The following RFPL1 variants were observed in gnomAD, a reference collection of about 807,000 sequenced individuals.
RFPL1 encodes ret finger protein like 1.
Under a neutral mutation model 9.6 loss-of-function variants are expected in RFPL1, and 6 were observed. The observed-to-expected ratio is 0.62, with a 90% CI of 0.34 to 1.23. The LOEUF is 1.23. Ranked by LOEUF, RFPL1 falls within the 50% of genes most tolerant of loss-of-function variation. The probability of loss-of-function intolerance (pLI) is 0.03; values close to 1 mark genes in which losing one functional copy is unlikely to be tolerated. For missense variants in RFPL1, 352 were observed against 398.4 expected (o/e 0.88, Z 0.99); for synonymous variants, 145 against 149.4 (o/e 0.97, Z 0.22).
chr22:29,391,725 G>C, the RFPL1 span, among the ~76,000 whole-genome samples: 1 of 152,162 alleles, frequency 6.6e-6, no homozygotes. Flanking sequence ...AGAAGGAAAG[G>C]GTAATCCAGA....
chr22:29,402,586 A>G, the RFPL1 span, among the ~76,000 whole-genome samples: 1 of 151,994 alleles, frequency 6.6e-6, no homozygotes, highest in African/African-American at 2.4e-5. Flanking sequence ...GGGCTCTAGG[A>G]GTTGCTATGG....
the RFPL1 span, among the ~76,000 whole-genome samples, chr22:29,429,816 A>C: frequency 6.6e-6 from 1 of 152,226 alleles, no homozygotes; most frequent in Admixed American, 6.5e-5. Flanking sequence ...AATCAGTAGC[A>C]ACTGTATATG....
At chr22:29,441,648 C>G (rs1305856031) in exon 2 of RFPL1, 1 of 1,613,772 alleles carries the variant, frequency 6.2e-7, no homozygotes, top group Non-Finnish European at 8.5e-7. Flanking sequence ...AAGACCTTGC[C>G]GAGAGATTTG....
At chr22:29,401,586 T>C in the RFPL1 span, among the ~76,000 whole-genome samples, 2 of 152,172 alleles carry the variant, frequency 1.3e-5, no homozygotes, top group African/African-American at 4.8e-5. Flanking sequence ...CACCAAGCAC[T>C]TCCTCTTCTA....
At chr22:29,404,627 T>TA in the RFPL1 span, among the ~76,000 whole-genome samples, 2 of 152,188 alleles carry the variant, frequency 1.3e-5, no homozygotes, top group South Asian at 2.1e-4. Flanking sequence ...CTACCTCTTT[T>TA]AAAAAAAATT....
the RFPL1 span, chr22:29,423,197 G>C: frequency 1.7e-6 from 2 of 1,175,826 alleles, no homozygotes; most frequent in East Asian, 2.4e-5. Flanking sequence ...TTCTGCAAGA[G>C]AGAGAAGAGA....
the RFPL1 span, among the ~76,000 whole-genome samples, chr22:29,427,283 T>G: frequency 1.4e-3 from 206 of 152,222 alleles, 1 homozygote; most frequent in African/African-American, 4.6e-3. Flanking sequence ...TGAATGTGTC[T>G]CTGACCTCAG....
chr22:29,391,783 G>C, the RFPL1 span, among the ~76,000 whole-genome samples: 1 of 152,170 alleles, frequency 6.6e-6, no homozygotes, highest in Admixed American at 6.5e-5. Flanking sequence ...CCACCCCCAC[G>C]CCCAGTGCAA....
At chr22:29,441,611 G>A (rs765874853) in exon 2 of RFPL1, 54 of 1,613,792 alleles carry the variant, frequency 3.3e-5, no homozygotes, top group Admixed American at 6.7e-5. Flanking sequence ...AGGAGCGTCC[G>A]AAGTGGGTGC....
chr22:29,410,260 A>ATATATATATCTATATATATAGATC, the RFPL1 span, among the ~76,000 whole-genome samples: 17 of 130,032 alleles, frequency 1.3e-4, no homozygotes, highest in South Asian at 3.7e-3. Flanking sequence ...ATATTTGTAG[A>ATATATATATCTATATATATAGATC]TATATATATC....
upstream of RFPL1, chr22:29,434,761 C>CAAGGGCAGGTATTAGAGAG (rs2062801015): frequency 6.5e-6 from 1 of 153,274 alleles, no homozygotes; most frequent in African/African-American, 2.4e-5. Context: ...CTTTAACCAC[C>CAAGGGCAGGTATTAGAGAG]CTCTGGGTGA....
chr22:29,419,250 G>C, the RFPL1 span: 53 of 1,463,304 alleles, frequency 3.6e-5, no homozygotes, highest in Non-Finnish European at 4.8e-5. Flanking sequence ...CCTTCAGCTC[G>C]AAGATCTCCC....
At chr22:29,409,069 T>C in the RFPL1 span, among the ~76,000 whole-genome samples, 4 of 149,746 alleles carry the variant, frequency 2.7e-5, no homozygotes, top group African/African-American at 5.0e-5. Context: ...TACATATACT[T>C]TTTTTTTTAA....
chr22:29,440,107 AAAG>A (rs1236023554), intron 1 of RFPL1: 3 of 152,226 alleles, frequency 2.0e-5, no homozygotes, highest in Non-Finnish European at 4.4e-5. Flanking sequence ...CAGCCTGGGC[AAAG>A]AATTACACCT....
chr22:29,396,894 C>CTTT, the RFPL1 span, among the ~76,000 whole-genome samples: 2 of 122,520 alleles, frequency 1.6e-5, no homozygotes, highest in African/African-American at 6.5e-5. Context: ...CAGCCTGAAA[C>CTTT]TTCTTTTTTT....
At chr22:29,389,874 C>G in the RFPL1 span, among the ~76,000 whole-genome samples, 13 of 151,748 alleles carry the variant, frequency 8.6e-5, no homozygotes, top group Non-Finnish European at 8.8e-5. Context: ...TTTTGGCTCA[C>G]TGCAACCTCT....
chr22:29,425,096 C>CGGGAG, the RFPL1 span, among the ~76,000 whole-genome samples: 1 of 149,874 alleles, frequency 6.7e-6, no homozygotes, highest in South Asian at 2.1e-4. Context: ...CCCAGCTACT[C>CGGGAG]GGGAGGCTGA....
At chr22:29,432,970 C>CGATG in the RFPL1 span, 1 of 152,026 alleles carries the variant, frequency 6.6e-6, no homozygotes, top group Non-Finnish European at 1.5e-5. Flanking sequence ...AGAAGCAAGT[C>CGATG]GATGTGTCGG....
At chr22:29,398,104 G>A in the RFPL1 span, among the ~76,000 whole-genome samples, 2 of 152,310 alleles carry the variant, frequency 1.3e-5, no homozygotes, top group South Asian at 2.1e-4. Flanking sequence ...CTGGTGGTAC[G>A]AAGCTGGTTA....
Sources: gnomAD v4.1 joint callset for allele counts (sites outside exome capture counted in the v4.1 genomes callset) on GRCh38, gnomAD v4.1.1 for gene constraint, MANE v1.5 for transcripts, NCBI Gene and HGNC (gene_info 2026-07-23, HGNC 2026-07-21) for gene names.